SEZ6L: variants seen among roughly 807,000 people sequenced by gnomAD.
The protein encoded by SEZ6L is seizure related 6 homolog like.
SEZ6L carries 37 observed loss-of-function variants against 106.2 expected under a neutral mutation model. That is an observed-to-expected ratio of 0.35 (90% confidence interval 0.27 to 0.46). The LOEUF (loss-of-function observed/expected upper bound fraction) is 0.46, where lower values mean the gene tolerates loss of function less well. Among genes scored for constraint, SEZ6L ranks in the 20% least tolerant of loss-of-function variants. The probability of loss-of-function intolerance (pLI) is 1.00; values close to 1 mark genes in which losing one functional copy is unlikely to be tolerated. For synonymous variants in SEZ6L, 541 were observed against 570.4 expected, an observed-to-expected ratio of 0.95 and a Z score of 0.73; for missense variants, 1,172 against 1,332.8, an observed-to-expected ratio of 0.88 and a Z score of 1.88.
At chr22:26,256,447 G>A (rs550666754) in intron 1 of SEZ6L, among the ~76,000 whole-genome samples, 1 of 152,192 alleles carries the variant, frequency 6.6e-6, no homozygotes, top group South Asian at 2.1e-4. Context: ...AAACATAGAA[G>A]AGACCCATGG....
In SEZ6L at chr22:26,200,123, C is replaced by T. The variant is rs534821928; in HGVS notation, c.94+30360C>T. Among the ~76,000 whole-genome samples, 11 of 152,302 alleles carry T rather than the reference C, an allele frequency of 7.2e-5. No homozygotes were observed. The South Asian group carries it at 2.3e-3, about 32-fold the overall frequency. Reference sequence around the variant, plus strand: ...TCCCAAGCATTCCTGAATTCCCCTCCTTCCTTCTCCCTGCCTCAAACAACT... The same window carrying T: ...TCCCAAGCATTCCTGAATTCCCCTCTTTCCTTCTCCCTGCCTCAAACAACT... On this transcript the variant is annotated intron_variant, in intron 1 of 16. Coordinates refer to ENST00000248933, the MANE Select transcript of SEZ6L (RefSeq NM_021115.5).
chr22:26,380,556 T>C lies in SEZ6L; in HGVS notation c.*261T>C, dbSNP rs776398728. On this transcript the variant is annotated 3_prime_UTR_variant, in exon 17 of 17. Transcript: ENST00000248933. ...GAAGGCAGGTGGAAGACTTGCAAAA[T>C]GGCAAACCGCGGCAGCAAAAACACA... is the stretch of plus-strand genomic sequence containing the variant. 8.2e-5 allele frequency: 33 copies of C among 403,672 alleles called. No homozygotes were observed. The highest frequency in any genetic ancestry group is 6.0e-4 in the African/African-American group (30 of 50,064). The allele number at this position is 403,672 out of a possible 1,614,324, so 25.0% of individuals were successfully genotyped here.
At chr22:26,314,270 G>C (rs2081936661) in intron 9 of SEZ6L, among the ~76,000 whole-genome samples, 1 of 152,194 alleles carries the variant, frequency 6.6e-6, no homozygotes, top group African/African-American at 2.4e-5. Context: ...GATATAAAAA[G>C]GAAGGTCAGA....
rs770227655 is a variant in SEZ6L, at chr22:26,299,153, G to A, written c.1332G>A (p.Gln444=). ...CCTCCAAGCCGCACTGGAGCAGCCA[G>A]GAGCCCATCTGCTCAGGTATGCTCC... ...INASKPHWSS[Q]EPICSAPCGG... The change falls in exon 5 of 17, where the codon CAG becomes CAA. Residue 444 remains glutamine, a synonymous_variant. Coordinates refer to ENST00000248933, the MANE Select transcript of SEZ6L (RefSeq NM_021115.5). 9 of 1,551,374 alleles carry A rather than the reference G, an allele frequency of 5.8e-6. No individual in the cohort carries two copies. In the South Asian group the frequency reaches 8.6e-5, roughly 15 times the overall value.
At chr22:26,281,666 C>T (rs1205905469) in intron 1 of SEZ6L, among the ~76,000 whole-genome samples, 2 of 152,180 alleles carry the variant, frequency 1.3e-5, no homozygotes, top group African/African-American at 4.8e-5. Context: ...GCGTGAGCCA[C>T]CGCACCTGGC....
chr22:26,304,362 A>AAAAG (rs2081548510), intron 5 of SEZ6L, among the ~76,000 whole-genome samples: 15 of 127,850 alleles, frequency 1.2e-4, no homozygotes, highest in Admixed American at 1.1e-3. Flanking sequence ...AAAAAAAAAA[A>AAAAG]AAGAAAGAAG....
Position 26,380,565 on chromosome 22 carries a change from G to A in SEZ6L, c.*270G>A, listed in dbSNP as rs557786876. 4.7e-5 allele frequency: 18 copies of A among 384,550 alleles called. No homozygotes were observed. Among genetic ancestry groups the A allele is most frequent in the African/African-American group, 2.4e-4 (12 of 49,656 alleles). The allele number at this position is 384,550 out of a possible 1,614,324, so 23.8% of individuals were successfully genotyped here. A position where few individuals can be genotyped will look rare whatever the true frequency, so the allele number is the denominator to read the frequency against. On this transcript the variant is annotated 3_prime_UTR_variant, in exon 17 of 17. Transcript: ENST00000248933. ...TGGAAGACTTGCAAAATGGCAAACC[G>A]CGGCAGCAAAAACACAAAACAGCAG... is the stretch of plus-strand genomic sequence containing the variant.
At position 26,365,526 on chromosome 22, in the gene SEZ6L, A is replaced by ACAG. The variant is rs1156998627; in HGVS notation, c.2756_2758dup (p.Gln919dup). The ACAG allele has an allele frequency of 6.2e-7, 1 of 1,613,994 alleles. No individual in the cohort carries two copies. The highest frequency in any genetic ancestry group is 1.3e-5 in the African/African-American group (1 of 74,928). On this transcript the variant is annotated inframe_insertion, in exon 13 of 17. Transcript: ENST00000248933. ...AAGTGACCATCCGCTGCATCCTGGG[A>ACAG]CAGCCATCCCACTGGAACGGGCCCC... is the stretch of plus-strand genomic sequence containing the variant.
At chr22:26,216,257 T>C (rs1934235971) in intron 1 of SEZ6L, among the ~76,000 whole-genome samples, 1 of 152,184 alleles carries the variant, frequency 6.6e-6, no homozygotes. Context: ...TTCTGCTAAA[T>C]CAGTCTTTCC....
chr22:26,214,265 G>A (rs1411164508), intron 1 of SEZ6L, among the ~76,000 whole-genome samples: 2 of 152,198 alleles, frequency 1.3e-5, no homozygotes, highest in Non-Finnish European at 2.9e-5. Context: ...CTCTGAGCCT[G>A]GTTTCTTCAT....
intron 1 of SEZ6L, among the ~76,000 whole-genome samples, chr22:26,202,999 T>G (rs992405366): frequency 4.6e-5 from 7 of 152,262 alleles, no homozygotes; most frequent in African/African-American, 1.7e-4. Context: ...CTTACACCAC[T>G]GAGGACAGAT....
intron 16 of SEZ6L, among the ~76,000 whole-genome samples, chr22:26,378,853 T>G (rs2084319687): frequency 6.6e-6 from 1 of 152,220 alleles, no homozygotes; most frequent in East Asian, 1.9e-4. Context: ...CCTGCTAACC[T>G]TCCTTCACCT....
intron 1 of SEZ6L, among the ~76,000 whole-genome samples, chr22:26,193,730 A>G (rs2145662030): frequency 6.6e-6 from 1 of 152,238 alleles, no homozygotes; most frequent in Middle Eastern, 3.4e-3. Flanking sequence ...TGATATACAG[A>G]CTTCCCATGG....
intron 1 of SEZ6L, among the ~76,000 whole-genome samples, chr22:26,197,799 TG>T (rs1389802738): frequency 6.6e-6 from 1 of 152,186 alleles, no homozygotes; most frequent in East Asian, 1.9e-4. Context: ...TAGACTTGGG[TG>T]ACTTAGACAT....
intron 9 of SEZ6L, among the ~76,000 whole-genome samples, chr22:26,322,930 T>G (rs1488105914): frequency 6.6e-6 from 1 of 152,160 alleles, no homozygotes; most frequent in Non-Finnish European, 1.5e-5. Context: ...TCTCATTCAT[T>G]CTCTCTCCAC....
rs192542987 is a variant in SEZ6L, at chr22:26,288,169, A to G, written c.95-4237A>G. Among the ~76,000 whole-genome samples, 91 of 152,318 alleles carry G rather than the reference A, an allele frequency of 6.0e-4. No homozygotes were observed. In the East Asian group the frequency reaches 0.013, roughly 22 times the overall value. ...AAGCCTTGGAAAGAGTCAAAGAGTC[A>G]CCATCTGCTGCACAAACCCACACTT... is the stretch of plus-strand genomic sequence containing the variant. On this transcript the variant is annotated intron_variant, in intron 1 of 16. Transcript: ENST00000248933.
intron 12 of SEZ6L, among the ~76,000 whole-genome samples, chr22:26,364,539 G>A (rs2083742971): frequency 6.6e-6 from 1 of 152,118 alleles, no homozygotes; most frequent in Admixed American, 6.6e-5. Flanking sequence ...GCTGCAGTGA[G>A]CCGTGCTGCA....
chr22:26,341,757 C>T (rs1380156916), intron 10 of SEZ6L, among the ~76,000 whole-genome samples: 2 of 152,208 alleles, frequency 1.3e-5, no homozygotes. Context: ...GTTTCTCAGG[C>T]TGCTTCCTCC....
chr22:26,266,198 G>A (rs1196433778), intron 1 of SEZ6L, among the ~76,000 whole-genome samples: 1 of 151,908 alleles, frequency 6.6e-6, no homozygotes, highest in African/African-American at 2.4e-5. Context: ...TGGCAGAGTT[G>A]ACTGCTTGGC....
Sources: allele counts gnomAD v4.1 joint callset (sites outside exome capture counted in the v4.1 genomes callset), GRCh38; gene constraint gnomAD v4.1.1; transcripts MANE v1.5; gene names NCBI Gene and HGNC (gene_info 2026-07-23, HGNC 2026-07-21).